The following COPG2 variants were observed in gnomAD, a reference collection of about 807,000 sequenced individuals.
COPG2 encodes coat protein complex I subunit gamma 2, also known as coatomer subunit gamma-2.
In COPG2, 37 loss-of-function variants were observed where a neutral mutation model predicts 46.3. That is an observed-to-expected ratio of 0.80 (90% CI 0.61 to 1.05). The LOEUF (loss-of-function observed/expected upper bound fraction) is 1.05. COPG2 is among the 50% of genes least tolerant of loss of function. COPG2 has a pLI of 0.00. For synonymous variants in COPG2, 159 were observed against 129.7 expected, an observed-to-expected ratio of 1.23 and a Z score of -1.53; for missense variants, 427 against 387.8, an observed-to-expected ratio of 1.10 and a Z score of -0.85.
intron 5 of COPG2, among the ~76,000 whole-genome samples, chr7:130,630,207 G>A (rs112515904): frequency 0.021 from 3,224 of 152,026 alleles, 91 homozygotes; most frequent in African/African-American, 0.066. Flanking sequence ...CACCGCACCC[G>A]GCCCCTATTT....
chr7:130,506,512 CAA>C lies in COPG2; in HGVS notation c.*162_*163del. The C allele has an allele frequency of 2.2e-6, 1 of 453,226 alleles. No homozygotes were observed. The highest frequency in any genetic ancestry group is 3.5e-5 in the East Asian group (1 of 28,238). 28.1% of individuals were successfully genotyped at this position (453,226 alleles called of 1,614,324 possible). A position where few individuals can be genotyped will look rare whatever the true frequency, so the allele number is the denominator to read the frequency against. Reference sequence around the variant, plus strand: ...AAAAAAAAAAAAAACAACCCATGCGCAAAGATAGACATTTGCTTGATCTGCTG... The same window carrying C: ...AAAAAAAAAAAAAACAACCCATGCGCAGATAGACATTTGCTTGATCTGCTG... On this transcript the variant is annotated 3_prime_UTR_variant, in exon 24 of 24. Transcript: ENST00000425248.
At position 130,562,577 on chromosome 7, in the gene COPG2, C is replaced by T. The variant is rs1013378804; in HGVS notation, c.939+692G>A. On this transcript the variant is annotated intron_variant, in intron 11 of 23. Coordinates refer to ENST00000425248, the MANE Select transcript of COPG2 (RefSeq NM_012133.6). ...CTGTATTATATCCTCTAAATCTATA[C>T]TGTCTAATAACATAGCCAACAGCAA... Among the ~76,000 whole-genome samples the T allele has an allele frequency of 2.9e-3, 448 of 152,220 alleles. 3 individuals carry two copies. The highest frequency in any genetic ancestry group is 0.01 in the African/African-American group (433 of 41,532).
chr7:130,541,418 G>C (rs990891194), intron 20 of COPG2, among the ~76,000 whole-genome samples: 131 of 152,054 alleles, frequency 8.6e-4, no homozygotes, highest in African/African-American at 3.1e-3. Flanking sequence ...GGAGGGAGGA[G>C]GTGGGAGGAG....
Position 130,615,184 on chromosome 7 carries a change from C to T in COPG2, c.400-1548G>A, listed in dbSNP as rs530665366. On this transcript the variant is annotated intron_variant, in intron 6 of 23. Transcript: ENST00000425248. The stretch of plus-strand genomic sequence containing the variant: ...ACACAAAGGTATTCATGTTTTGTCA[C>T]ATTAAATCAAACTCATAGGAAGTTA... 4.6e-5 allele frequency among the ~76,000 whole-genome samples: 7 copies of T among 152,330 alleles called. No individual in the cohort carries two copies. In the South Asian group the frequency reaches 1.4e-3, roughly 32 times the overall value.
intron 10 of COPG2, among the ~76,000 whole-genome samples, chr7:130,563,577 A>AT (rs1489750654): frequency 3.3e-5 from 5 of 151,662 alleles, no homozygotes; most frequent in African/African-American, 1.2e-4. Context: ...ACAGCATCAA[A>AT]AATTTACATG....
intron 9 of COPG2, among the ~76,000 whole-genome samples, chr7:130,577,622 G>T (rs1273185271): frequency 6.6e-6 from 1 of 151,330 alleles, no homozygotes; most frequent in African/African-American, 2.4e-5. Context: ...TTAGCCGGGC[G>T]CGGTGGCGGG....
rs1002517619 is a variant in COPG2 at position 130,531,761 on chromosome 7, A to G, written c.2149+15913T>C. Among the ~76,000 whole-genome samples, 424 of 149,356 alleles carry G rather than the reference A, an allele frequency of 2.8e-3. 1 individual carries two copies. Among genetic ancestry groups the G allele is most frequent in the African/African-American group, 9.0e-3 (366 of 40,718 alleles). ...TAGAATGCTCCAGGCCTGAAACTGG[A>G]GAGACTGAAGTGCAGGGAACCAAGG... On this transcript the variant is annotated intron_variant, in intron 20 of 23. Coordinates refer to ENST00000425248, the MANE Select transcript of COPG2 (RefSeq NM_012133.6).
chr7:130,571,079 C>T (rs1793888406), intron 9 of COPG2, among the ~76,000 whole-genome samples: 2 of 152,280 alleles, frequency 1.3e-5, no homozygotes, highest in South Asian at 2.1e-4. Context: ...AAATCTAAGA[C>T]CTGAAACCAT....
At chr7:130,620,243 CACTGTTCCAGACACTTAGGAT>C (rs1314767621) in intron 5 of COPG2, among the ~76,000 whole-genome samples, 1 of 152,072 alleles carries the variant, frequency 6.6e-6, no homozygotes, top group Non-Finnish European at 1.5e-5. Flanking sequence ...AAGTGTCAGA[CACTGTTCCAGACACTTAGGAT>C]ACTTTAGCAA....
chr7:130,551,361 G>A lies in COPG2; in HGVS notation c.1545-17C>T, dbSNP rs920853530. The stretch of plus-strand genomic sequence containing the variant: ...ATCATACACCTGTCCAGGGGAAACA[G>A]AATAGTCATGTCACAGTACCCCAAA... On this transcript the variant is annotated splice_polypyrimidine_tract_variant and intron_variant, in intron 15 of 23. Transcript: ENST00000425248. 4.2e-4 allele frequency: 166 copies of A among 398,384 alleles called. No individual in the cohort carries two copies. Among genetic ancestry groups the A allele is most frequent in the African/African-American group, 2.9e-3 (141 of 48,732 alleles). 24.7% of individuals were successfully genotyped at this position (398,384 alleles called of 1,614,324 possible). A position where few individuals can be genotyped will look rare whatever the true frequency, so the allele number is the denominator to read the frequency against.
chr7:130,645,427 G>T (rs539761185), intron 5 of COPG2: 2 of 423,084 alleles, frequency 4.7e-6, no homozygotes, highest in African/African-American at 4.2e-5. Context: ...ATGGGGTGGA[G>T]CCCATGGGCG....
At chr7:130,549,278 G>A (rs1171845242) in intron 18 of COPG2, 36 bp downstream of exon 18, 6 of 398,348 alleles carry the variant, frequency 1.5e-5, no homozygotes, top group Non-Finnish European at 2.7e-5. Flanking sequence ...ATGCCTAGGG[G>A]AAAGATTATT....
intron 20 of COPG2, among the ~76,000 whole-genome samples, chr7:130,529,098 A>T (rs1799800848): frequency 6.6e-6 from 1 of 152,356 alleles, no homozygotes; most frequent in Admixed American, 6.5e-5. Flanking sequence ...AATTGTCTCC[A>T]GCATAGTAGA....
chr7:130,591,493 C>T (rs1479095943), intron 9 of COPG2, among the ~76,000 whole-genome samples: 1 of 95,592 alleles, frequency 1.0e-5, no homozygotes, highest in Non-Finnish European at 2.2e-5. Flanking sequence ...GCCCCCCCGC[C>T]CGGCCAGCCG....
chr7:130,583,970 G>A (rs1178466941), intron 9 of COPG2, among the ~76,000 whole-genome samples: 1 of 151,764 alleles, frequency 6.6e-6, no homozygotes, highest in Admixed American at 6.6e-5. Context: ...TATGAAGCCA[G>A]TATTGCCCTA....
intron 20 of COPG2, among the ~76,000 whole-genome samples, chr7:130,535,966 C>G (rs1362580478): frequency 6.6e-6 from 1 of 151,962 alleles, no homozygotes; most frequent in Admixed American, 6.6e-5. Flanking sequence ...GGAAGTCTCT[C>G]TGGGGGCACC....
intron 20 of COPG2, among the ~76,000 whole-genome samples, chr7:130,546,403 G>C: frequency 6.6e-6 from 1 of 152,318 alleles, no homozygotes; most frequent in South Asian, 2.1e-4. Flanking sequence ...AAGTTACAAG[G>C]AAATGGAACT....
intron 9 of COPG2, among the ~76,000 whole-genome samples, chr7:130,603,566 A>G (rs898842549): frequency 8.6e-5 from 13 of 151,810 alleles, no homozygotes; most frequent in Non-Finnish European, 1.3e-4. Context: ...CTAAAAATAC[A>G]AAAAATTAGC....
intron 11 of COPG2, among the ~76,000 whole-genome samples, chr7:130,562,305 G>A (rs1291029545): frequency 6.6e-6 from 1 of 152,194 alleles, no homozygotes; most frequent in Non-Finnish European, 1.5e-5. Context: ...GTTGCAGTGT[G>A]CCAAGATCGT....
Sources: allele counts gnomAD v4.1 joint callset (sites outside exome capture counted in the v4.1 genomes callset), GRCh38; gene constraint gnomAD v4.1.1; transcripts MANE v1.5; gene names NCBI Gene and HGNC (gene_info 2026-07-23, HGNC 2026-07-21).